Variants in ANKRD44 observed in about 807,000 individuals in gnomAD.
ANKRD44 encodes the protein ankyrin repeat domain 44, also known as serine/threonine-protein phosphatase 6 regulatory ankyrin repeat subunit B.
A neutral mutation model predicts 116.0 loss-of-function variants in ANKRD44; 35 were observed. The ratio of observed to expected loss-of-function variants is 0.30; its 90% CI spans 0.23 to 0.40. The LOEUF (loss-of-function observed/expected upper bound fraction) is 0.40, where lower values mean the gene tolerates loss of function less well. Ranked by LOEUF, ANKRD44 falls within the 10% of genes least tolerant of loss-of-function variation. The pLI is 1.00. For missense variants in ANKRD44, 1,014 were observed against 1,242.6 expected (o/e 0.82, Z 2.77); for synonymous variants, 435 against 461.8 (o/e 0.94, Z 0.74).
At chr2:197,121,622 T>C in intron 7 of ANKRD44, 78 bp from the exon 8 acceptor site, 1 of 1,266,488 alleles carries the variant, frequency 7.9e-7, no homozygotes, top group Non-Finnish European at 1.1e-6. Context: ...GCATAACGGC[T>C]GTGGCTAGAG....
At chr2:197,165,170 T>C (rs567442891) in intron 2 of ANKRD44, among the ~76,000 whole-genome samples, 3 of 152,338 alleles carry the variant, frequency 2.0e-5, no homozygotes, top group Admixed American at 2.0e-4. Flanking sequence ...ACGCCCCTTC[T>C]GGCTGGCTGG....
intron 9 of ANKRD44, among the ~76,000 whole-genome samples, chr2:197,102,541 T>G (rs1320380797): frequency 6.6e-6 from 1 of 152,182 alleles, no homozygotes; most frequent in African/African-American, 2.4e-5. Context: ...GCATTTCTCT[T>G]ATTATGAGGG....
At chr2:197,142,617 T>C (rs1381681004) in intron 3 of ANKRD44, among the ~76,000 whole-genome samples, 1 of 152,204 alleles carries the variant, frequency 6.6e-6, no homozygotes, top group East Asian at 1.9e-4. Flanking sequence ...CTTATTACTT[T>C]ATAATTGCAC....
chr2:197,163,031 T>C (rs1200716527), intron 2 of ANKRD44, among the ~76,000 whole-genome samples: 1 of 152,202 alleles, frequency 6.6e-6, no homozygotes, highest in Non-Finnish European at 1.5e-5. Context: ...TGGTTTTTTT[T>C]GTGGTTCTCA....
chr2:197,255,774 G>C (rs953178765), intron 1 of ANKRD44, among the ~76,000 whole-genome samples: 29 of 152,202 alleles, frequency 1.9e-4, no homozygotes, highest in African/African-American at 6.8e-4. Context: ...GCCAGAGCCA[G>C]TAGGGCTGGA....
intron 16 of ANKRD44, among the ~76,000 whole-genome samples, chr2:197,054,045 G>C (rs182600845): frequency 6.6e-6 from 1 of 152,172 alleles, no homozygotes; most frequent in Non-Finnish European, 1.5e-5. Flanking sequence ...CAAAGGAGGA[G>C]AATAGATATC....
At chr2:197,298,110 C>G (rs2083777609) in intron 1 of ANKRD44, among the ~76,000 whole-genome samples, 1 of 152,218 alleles carries the variant, frequency 6.6e-6, no homozygotes, top group Admixed American at 6.5e-5. Flanking sequence ...AAGGCAACAA[C>G]AAACACCTAC....
chr2:197,284,626 C>T (rs2083357765), intron 1 of ANKRD44, among the ~76,000 whole-genome samples: 1 of 151,842 alleles, frequency 6.6e-6, no homozygotes, highest in Non-Finnish European at 1.5e-5. Flanking sequence ...TGGCTCATGC[C>T]TATAATCCCA....
At chr2:197,185,052 A>G (rs2080620066) in intron 2 of ANKRD44, among the ~76,000 whole-genome samples, 1 of 152,160 alleles carries the variant, frequency 6.6e-6, no homozygotes. Context: ...AAATATAGTA[A>G]CCATGGCTTG....
In ANKRD44 at chr2:197,126,025, C is replaced by T. The variant is rs375492030; in HGVS notation, c.274G>A (p.Val92Ile). 120 of 1,614,092 alleles carry T rather than the reference C, an allele frequency of 7.4e-5. No homozygotes were observed. Among genetic ancestry groups the T allele is most frequent in the South Asian group, 9.9e-5 (9 of 91,086 alleles). Residue 92 changes from valine to isoleucine, a missense_variant, in exon 5 of 28, where the codon GTT (valine) becomes ATT (isoleucine). Coordinates refer to ENST00000282272, the MANE Select transcript of ANKRD44 (RefSeq NM_001195144.2). ...VASRSEEAVQ[V>I]LIKHSADVNA... ...ACATCAGCTGAGTGCTTAATCAAAA[C>T]CTGTACTGCTTCCTACAACAAAAGC...
intron 2 of ANKRD44, among the ~76,000 whole-genome samples, chr2:197,186,606 A>ATTTTTC (rs1574229167): frequency 4.9e-5 from 4 of 81,454 alleles, no homozygotes; most frequent in Admixed American, 1.5e-4. Context: ...TGCCCGGCTA[A>ATTTTTC]TTTTTCTTTT....
intron 9 of ANKRD44, among the ~76,000 whole-genome samples, chr2:197,100,286 T>A (rs1324041246): frequency 1.3e-5 from 2 of 151,932 alleles, no homozygotes; most frequent in Non-Finnish European, 2.9e-5. Flanking sequence ...AATAAAAAAA[T>A]TAGCTGGGTG....
chr2:197,219,632 C>A (rs1283048281), intron 1 of ANKRD44, among the ~76,000 whole-genome samples: 2 of 152,166 alleles, frequency 1.3e-5, no homozygotes, highest in Non-Finnish European at 2.9e-5. Flanking sequence ...TTTTCTGGCA[C>A]CATGAAAGCA....
chr2:197,083,078 G>A (rs1195255471), intron 14 of ANKRD44, among the ~76,000 whole-genome samples: 1 of 152,124 alleles, frequency 6.6e-6, no homozygotes, highest in East Asian at 1.9e-4. Context: ...TGAAAACTAC[G>A]GTATATGTCA....
chr2:197,242,359 A>G (rs1297830273), intron 1 of ANKRD44, among the ~76,000 whole-genome samples: 1 of 152,182 alleles, frequency 6.6e-6, no homozygotes, highest in African/African-American at 2.4e-5. Flanking sequence ...CTAGAAAAGC[A>G]AAATCAAATT....
intron 1 of ANKRD44, among the ~76,000 whole-genome samples, chr2:197,205,683 G>A (rs1427836333): frequency 6.6e-6 from 1 of 152,166 alleles, no homozygotes; most frequent in African/African-American, 2.4e-5. Flanking sequence ...CAATGATCAA[G>A]ATACAGTCCC....
At chr2:197,258,200 A>G (rs537770420) in intron 1 of ANKRD44, among the ~76,000 whole-genome samples, 93 of 150,994 alleles carry the variant, frequency 6.2e-4, no homozygotes, top group Non-Finnish European at 8.1e-4. Flanking sequence ...CCCCAGGTTC[A>G]AGCAGTTCTC....
At chr2:197,110,737 T>C in intron 9 of ANKRD44, 29 bp downstream of exon 9, 5 of 1,584,456 alleles carry the variant, frequency 3.2e-6, no homozygotes, top group Non-Finnish European at 4.3e-6. Flanking sequence ...ACTATCGAAA[T>C]AATGACACTA....
intron 9 of ANKRD44, among the ~76,000 whole-genome samples, chr2:197,109,981 A>AT (rs35431039): frequency 0.47 from 70,477 of 148,424 alleles, 18,867 homozygotes; most frequent in East Asian, 0.93. Flanking sequence ...AAGCCTGTGA[A>AT]TTTTTTTTTT....
Sources: gnomAD v4.1 joint callset for allele counts (sites outside exome capture counted in the v4.1 genomes callset) on GRCh38, gnomAD v4.1.1 for gene constraint, MANE v1.5 for transcripts, NCBI Gene and HGNC (gene_info 2026-07-23, HGNC 2026-07-21) for gene names.